TMEM132B: variants seen among roughly 807,000 people sequenced by gnomAD.
The protein encoded by TMEM132B is transmembrane protein 132B.
TMEM132B carries 18 observed loss-of-function variants against 90.8 expected under a neutral mutation model. That is an observed-to-expected ratio of 0.20 (90% CI 0.14 to 0.29). TMEM132B has a LOEUF of 0.29. Ranked by LOEUF, TMEM132B falls within the 10% of genes least tolerant of loss-of-function variation. TMEM132B has a pLI of 1.00. For missense variants in TMEM132B, 1,096 were observed against 1,326.8 expected (o/e 0.83, Z 2.70); for synonymous variants, 504 against 523.3 (o/e 0.96, Z 0.50).
intron 1 of TMEM132B, among the ~76,000 whole-genome samples, chr12:125,210,118 A>G (rs1002615087): frequency 6.6e-6 from 1 of 152,254 alleles, no homozygotes; most frequent in Non-Finnish European, 1.5e-5. Flanking sequence ...AATATTCAGC[A>G]TGTTCAAAGC....
chr12:125,500,170 C>T (rs1026248291), intron 3 of TMEM132B, among the ~76,000 whole-genome samples: 3 of 152,214 alleles, frequency 2.0e-5, no homozygotes, highest in South Asian at 2.1e-4. Context: ...CGTTGCATTG[C>T]AGGCTGCTGG....
chr12:125,644,988 C>T (rs1265237857), intron 6 of TMEM132B, among the ~76,000 whole-genome samples: 1 of 151,908 alleles, frequency 6.6e-6, no homozygotes, highest in Non-Finnish European at 1.5e-5. Context: ...GAGGCCAAGG[C>T]AGGCGGATCA....
chr12:125,451,144 A>C (rs542870422), intron 3 of TMEM132B, among the ~76,000 whole-genome samples: 27 of 152,306 alleles, frequency 1.8e-4, no homozygotes, highest in Non-Finnish European at 3.5e-4. Context: ...AATTGCTATA[A>C]AGGACATTAT....
At chr12:125,447,969 TA>T (rs1263042341) in intron 3 of TMEM132B, among the ~76,000 whole-genome samples, 1 of 152,192 alleles carries the variant, frequency 6.6e-6, no homozygotes, top group Non-Finnish European at 1.5e-5. Context: ...CATATCCATT[TA>T]AAATGTACAT....
intron 1 of TMEM132B, among the ~76,000 whole-genome samples, chr12:125,266,599 G>C (rs1232150989): frequency 6.6e-6 from 1 of 152,202 alleles, no homozygotes; most frequent in Non-Finnish European, 1.5e-5. Context: ...TTCTGCTTTG[G>C]AGATTTTTCT....
At chr12:125,579,320 C>G (rs1394121777) in intron 4 of TMEM132B, among the ~76,000 whole-genome samples, 6 of 150,394 alleles carry the variant, frequency 4.0e-5, no homozygotes, top group Non-Finnish European at 3.0e-5. Context: ...TAATTTATAT[C>G]TATTGATATT....
At chr12:125,537,290 A>T (rs961229519) in intron 4 of TMEM132B, among the ~76,000 whole-genome samples, 1 of 152,244 alleles carries the variant, frequency 6.6e-6, no homozygotes, top group African/African-American at 2.4e-5. Flanking sequence ...TTTAAGCATT[A>T]AAAACATTTC....
intron 1 of TMEM132B, among the ~76,000 whole-genome samples, chr12:125,307,213 CT>C (rs1451948273): frequency 2.0e-5 from 3 of 152,178 alleles, no homozygotes; most frequent in African/African-American, 7.2e-5. Flanking sequence ...GGTGGTCTTT[CT>C]TTTTCCCACT....
intron 1 of TMEM132B, among the ~76,000 whole-genome samples, chr12:125,239,277 CA>C (rs1874010525): frequency 6.6e-6 from 1 of 152,134 alleles, no homozygotes; most frequent in Non-Finnish European, 1.5e-5. Context: ...TTTGTTCTGA[CA>C]TATGTTCCCA....
chr12:125,360,663 G>A (rs1030610354), intron 2 of TMEM132B, among the ~76,000 whole-genome samples: 2 of 152,126 alleles, frequency 1.3e-5, no homozygotes, highest in African/African-American at 2.4e-5. Context: ...TGGGTAGGAA[G>A]TGACATCAGG....
intron 5 of TMEM132B, among the ~76,000 whole-genome samples, chr12:125,603,680 T>A (rs1469284258): frequency 6.6e-6 from 1 of 152,102 alleles, no homozygotes; most frequent in Non-Finnish European, 1.5e-5. Context: ...CAGAATGGGA[T>A]AAACTTTTTG....
chr12:125,514,694 G>A (rs1883062983), intron 3 of TMEM132B, among the ~76,000 whole-genome samples: 1 of 152,138 alleles, frequency 6.6e-6, no homozygotes, highest in Non-Finnish European at 1.5e-5. Context: ...TCAAGCTTTC[G>A]AACTTGCCCA....
At chr12:125,316,990 A>C (rs1227285096) in intron 1 of TMEM132B, among the ~76,000 whole-genome samples, 2 of 152,014 alleles carry the variant, frequency 1.3e-5, no homozygotes, top group Non-Finnish European at 2.9e-5. Context: ...ACCACAACCC[A>C]CCTACCTCTT....
At position 125,459,350 on chromosome 12, in the gene TMEM132B, C is replaced by T. The variant is rs563034317; in HGVS notation, c.1106+43673C>T. On this transcript the variant is annotated intron_variant, in intron 3 of 8. Coordinates refer to ENST00000682704, the MANE Select transcript of TMEM132B (RefSeq NM_001366854.1). This position sits in a 1 kb window ranked among gnomAD's most constrained non-coding sequence, Gnocchi z 4.1. ...GCATGCTTGTCTAGGGTCTTGCTGA[C>T]GAGGGCACGTTTTCTAAAACTACCG... Among the ~76,000 whole-genome samples the T allele has an allele frequency of 1.3e-4, 20 of 152,232 alleles. No homozygotes were observed. Among genetic ancestry groups the T allele is most frequent in the Middle Eastern group, 3.4e-3 (1 of 294 alleles).
At position 125,243,264 on chromosome 12, in the gene TMEM132B, T is replaced by C. The variant is rs1439936898; in HGVS notation, c.67+56398T>C. ...GTTCAAGGATTCTCCTGCCTCAGCC[T>C]CCTGAGTAGCTGGGACTACAGGCAC... is the stretch of plus-strand genomic sequence containing the variant. On this transcript the variant is annotated intron_variant, in intron 1 of 8. Coordinates refer to ENST00000682704, the MANE Select transcript of TMEM132B (RefSeq NM_001366854.1). Among the ~76,000 whole-genome samples, 6 of 151,262 alleles carry C rather than the reference T, an allele frequency of 4.0e-5. No homozygotes were observed. The East Asian group carries it at 1.2e-3, about 29-fold the overall frequency.
intron 1 of TMEM132B, among the ~76,000 whole-genome samples, chr12:125,321,085 T>C (rs968253644): frequency 1.3e-5 from 2 of 152,248 alleles, no homozygotes; most frequent in Non-Finnish European, 2.9e-5. Context: ...TGGTCTTGCC[T>C]GTCTAAATCA....
At chr12:125,305,502 C>A (rs566485213) in intron 1 of TMEM132B, among the ~76,000 whole-genome samples, 1 of 152,096 alleles carries the variant, frequency 6.6e-6, no homozygotes, top group East Asian at 1.9e-4. Flanking sequence ...TAAAGTAAAG[C>A]CTTGAGTGAA....
rs562752424 is a variant in TMEM132B at position 125,254,852 on chromosome 12, A to C, written c.67+67986A>C. Among the ~76,000 whole-genome samples, 67 of 151,744 alleles carry C rather than the reference A, an allele frequency of 4.4e-4. 2 individuals are homozygous for C. In the South Asian group the frequency reaches 7.7e-3, roughly 18 times the overall value. ...GTGCCTGCCACCACACCCGGCTAAT[A>C]CTTTGTGTTTTTAGTAGAGATGGGG... On this transcript the variant is annotated intron_variant, in intron 1 of 8. Coordinates refer to ENST00000682704, the MANE Select transcript of TMEM132B (RefSeq NM_001366854.1).
chr12:125,463,721 T>A (rs1881495407), intron 3 of TMEM132B, among the ~76,000 whole-genome samples: 2 of 152,220 alleles, frequency 1.3e-5, no homozygotes, highest in African/African-American at 2.4e-5. Flanking sequence ...GGCAAGGTAT[T>A]CTTTTTCTCC....
Sources: allele counts gnomAD v4.1 joint callset (sites outside exome capture counted in the v4.1 genomes callset), GRCh38; gene constraint gnomAD v4.1.1; non-coding constraint Gnocchi (gnomAD v3.1); transcripts MANE v1.5; gene names NCBI Gene and HGNC (gene_info 2026-07-23, HGNC 2026-07-21).